MEIS2: variants seen among roughly 807,000 people sequenced by gnomAD.
The protein encoded by MEIS2 is homeobox protein Meis2.
Under a neutral mutation model 58.6 loss-of-function variants are expected in MEIS2, and 9 were observed. The observed-to-expected ratio is 0.15, with a 90% CI of 0.09 to 0.27. The LOEUF is 0.27. Ranked by LOEUF, MEIS2 falls within the 10% of genes least tolerant of loss-of-function variation. The pLI is 1.00. For synonymous variants in MEIS2, 221 were observed against 228.4 expected (o/e 0.97, Z 0.29); for missense variants, 427 against 635.0 (o/e 0.67, Z 3.52).
intron 8 of MEIS2, among the ~76,000 whole-genome samples, chr15:36,980,469 G>A (rs1217178151): frequency 1.3e-5 from 2 of 152,118 alleles, no homozygotes; most frequent in Admixed American, 1.3e-4. Flanking sequence ...ATGGATGGCA[G>A]CAAGCAAAGA....
chr15:36,926,370 C>T (rs2057750439), intron 9 of MEIS2, among the ~76,000 whole-genome samples: 1 of 150,868 alleles, frequency 6.6e-6, no homozygotes, highest in African/African-American at 2.4e-5. Flanking sequence ...AGAATCCTTA[C>T]AATTTCTCTC....
Position 37,064,527 on chromosome 15 carries a change from T to A in MEIS2, c.754+19244A>T, listed in dbSNP as rs766246016. Among the ~76,000 whole-genome samples, 91 of 152,168 alleles carry A rather than the reference T, an allele frequency of 6.0e-4. 1 individual carries two copies. The highest frequency in any genetic ancestry group is 3.3e-4 in the Admixed American group (5 of 15,278). The stretch of plus-strand genomic sequence containing the variant: ...AACATATTTGCACAGGCAAAGTGAA[T>A]TGATTAGTTACATTTAGGCTAATTT... On this transcript the variant is annotated intron_variant, in intron 7 of 11. Transcript: ENST00000561208.
intron 9 of MEIS2, among the ~76,000 whole-genome samples, chr15:36,927,734 A>C (rs924697352): frequency 6.6e-6 from 1 of 151,794 alleles, no homozygotes; most frequent in African/African-American, 2.4e-5. Context: ...TCTCTCTGGG[A>C]TGTAATGTTA....
At chr15:36,969,079 A>C (rs2141456881) in intron 8 of MEIS2, among the ~76,000 whole-genome samples, 1 of 152,326 alleles carries the variant, frequency 6.6e-6, no homozygotes, top group East Asian at 1.9e-4. Context: ...TTTACTTGTT[A>C]AGTGGTAGCA....
intron 7 of MEIS2, among the ~76,000 whole-genome samples, chr15:37,069,868 G>C (rs1275043385): frequency 6.6e-6 from 1 of 152,200 alleles, no homozygotes; most frequent in East Asian, 1.9e-4. Context: ...CCCATGGGTG[G>C]ACAGTATATC....
At chr15:36,978,611 C>T (rs932566977) in intron 8 of MEIS2, among the ~76,000 whole-genome samples, 11 of 152,326 alleles carry the variant, frequency 7.2e-5, no homozygotes, top group Middle Eastern at 3.4e-3. Context: ...AATTAAGTCT[C>T]AAATAATCTA....
In MEIS2 at chr15:36,892,457, A is replaced by T; in HGVS notation, c.1150T>A (p.Leu384Met). The T allele has an allele frequency of 6.2e-7, 1 of 1,613,160 alleles. No homozygotes were observed. The highest frequency in any genetic ancestry group is 8.5e-7 in the Non-Finnish European group (1 of 1,179,716). The stretch of plus-strand genomic sequence containing the variant: ...ACGTAGTCCCCTGGCATGCTCTGCA[A>T]ACCTGAAAATAGAGAGGGAAAAAGA... The part of the protein sequence containing the change: ...QQHMGIRPAG[L>M]QSMPGDYVSQ... The change falls in exon 12 of 12, where the codon TTG (leucine) becomes ATG (methionine). Residue 384 changes from leucine to methionine, a missense_variant and splice_region_variant. By Grantham distance (15) the Leu-to-Met change is conservative. Around this residue, in one of 6 missense-constraint regions of MEIS2, gnomAD observed 154 missense variants for 148.1 expected, o/e 1.04. Coordinates refer to ENST00000561208, the MANE Select transcript of MEIS2 (RefSeq NM_170675.5).
At chr15:37,031,815 TTGTGTGTGTGTGTGTGTGTGTGTGTG>T (rs66770353) in intron 8 of MEIS2, among the ~76,000 whole-genome samples, 1 of 134,126 alleles carries the variant, frequency 7.5e-6, no homozygotes. Context: ...TTACATCACT[TTGTGTGTGTGTGTGTGTGTGTGTGTG>T]TGTGTGTGTG....
intron 8 of MEIS2, among the ~76,000 whole-genome samples, chr15:36,990,589 T>A (rs752054885): frequency 6.6e-6 from 1 of 152,166 alleles, no homozygotes; most frequent in African/African-American, 2.4e-5. Context: ...AAAAGAAAGA[T>A]GAAAGAAGGC....
intron 6 of MEIS2, among the ~76,000 whole-genome samples, chr15:37,084,508 T>G (rs1188795575): frequency 6.6e-6 from 1 of 152,184 alleles, no homozygotes; most frequent in East Asian, 1.9e-4. Context: ...AAATTATTGA[T>G]TTTTGCTTTA....
Position 37,044,120 on chromosome 15 carries a change from A to T in MEIS2, c.755-7161T>A, listed in dbSNP as rs1463012781. Reference sequence around the variant, plus strand: ...GAATAAAACCATCTCCATTCTACAGATAAGAAAACTGAGACTCAAAGAAAT... The same window carrying T: ...GAATAAAACCATCTCCATTCTACAGTTAAGAAAACTGAGACTCAAAGAAAT... On this transcript the variant is annotated intron_variant, in intron 7 of 11. Coordinates refer to ENST00000561208, the MANE Select transcript of MEIS2 (RefSeq NM_170675.5). 2.6e-5 allele frequency among the ~76,000 whole-genome samples: 4 copies of T among 152,210 alleles called. No individual in the cohort carries two copies. The East Asian group carries it at 7.7e-4, about 29-fold the overall frequency.
At chr15:37,050,465 A>G (rs1266615928) in intron 7 of MEIS2, among the ~76,000 whole-genome samples, 1 of 152,178 alleles carries the variant, frequency 6.6e-6, no homozygotes, top group Non-Finnish European at 1.5e-5. Context: ...AATTGGCCAT[A>G]GAGTTGACGT....
intron 3 of MEIS2, chr15:37,095,958 CACTCCCGGGT>C (rs1894172384): frequency 2.2e-6 from 1 of 451,574 alleles, no homozygotes; most frequent in Non-Finnish European, 4.0e-6. Flanking sequence ...GCCTCCCGGG[CACTCCCGGGT>C]CCCTCACAGC....
At chr15:37,064,858 A>C (rs1889706376) in intron 7 of MEIS2, among the ~76,000 whole-genome samples, 1 of 152,200 alleles carries the variant, frequency 6.6e-6, no homozygotes, top group South Asian at 2.1e-4. Flanking sequence ...ACATTTCTAA[A>C]GAGGGAATAA....
intron 6 of MEIS2, among the ~76,000 whole-genome samples, chr15:37,089,786 G>C (rs1163150336): frequency 6.6e-6 from 1 of 151,926 alleles, no homozygotes; most frequent in Admixed American, 6.6e-5. Flanking sequence ...CAAGCAAGTA[G>C]ATTTCATTTG....
intron 11 of MEIS2, among the ~76,000 whole-genome samples, chr15:36,892,961 T>C (rs1416759093): frequency 6.6e-6 from 1 of 152,190 alleles, no homozygotes; most frequent in Non-Finnish European, 1.5e-5. Context: ...AGCTTTTACG[T>C]GTATTTAAAA....
chr15:36,897,328 A>T (rs2056231232), intron 9 of MEIS2: 1 of 152,380 alleles, frequency 6.6e-6, no homozygotes, highest in African/African-American at 2.4e-5. Context: ...ACTGCCAACC[A>T]TAAACCCAGC....
intron 7 of MEIS2, among the ~76,000 whole-genome samples, chr15:37,082,136 A>G (rs1488159739): frequency 2.0e-5 from 3 of 152,038 alleles, no homozygotes; most frequent in African/African-American, 7.3e-5. Context: ...GAGGAGAAAA[A>G]CTCACAGTGT....
At chr15:37,051,403 A>G (rs1422975197) in intron 7 of MEIS2, among the ~76,000 whole-genome samples, 3 of 152,210 alleles carry the variant, frequency 2.0e-5, no homozygotes, top group Non-Finnish European at 4.4e-5. Flanking sequence ...TAAATTCTAG[A>G]AAATGCAAAC....
Sources: gnomAD v4.1 joint callset for allele counts (sites outside exome capture counted in the v4.1 genomes callset) on GRCh38, gnomAD v4.1.1 for gene constraint, gnomAD v4.1.1 regional missense constraint, MANE v1.5 for transcripts, NCBI Gene and HGNC (gene_info 2026-07-23, HGNC 2026-07-21) for gene names.